The following MTOR variants were observed in gnomAD, a reference collection of about 807,000 sequenced individuals.
MTOR encodes mechanistic target of rapamycin kinase.
A neutral mutation model predicts 319.8 loss-of-function variants in MTOR; 70 were observed. That is an observed-to-expected ratio of 0.22 (90% CI 0.18 to 0.27). The LOEUF is 0.27. Ranked by LOEUF, MTOR falls within the 10% of genes least tolerant of loss-of-function variation. MTOR has a pLI of 1.00. For missense variants in MTOR, 1,890 were observed against 3,274.4 expected, an observed-to-expected ratio of 0.58 and a Z score of 10.32; for synonymous variants, 1,183 against 1,211.4, an observed-to-expected ratio of 0.98 and a Z score of 0.49.
chr1:11,130,260 G>C (rs1277717233), intron 39 of MTOR, among the ~76,000 whole-genome samples: 4 of 152,238 alleles, frequency 2.6e-5, no homozygotes, highest in Admixed American at 2.6e-4. Context: ...CCACACACAG[G>C]TGCAGCACGT....
intron 29 of MTOR, among the ~76,000 whole-genome samples, chr1:11,163,572 T>A (rs1337484030): frequency 6.6e-6 from 1 of 152,212 alleles, no homozygotes; most frequent in African/African-American, 2.4e-5. Flanking sequence ...ACAGAAATTA[T>A]AACAAACTGT....
In MTOR at chr1:11,177,293, C is replaced by T. The variant is rs530870975; in HGVS notation, c.4254-9776G>A. ...GTTTCTTTGGCTAGGCGCGGTGGCTCATGCCTGTAATCCCACCACCTTGGG... is the reference window on the plus strand; with the variant it reads ...GTTTCTTTGGCTAGGCGCGGTGGCTTATGCCTGTAATCCCACCACCTTGGG... On this transcript the variant is annotated intron_variant, in intron 28 of 57. Coordinates refer to ENST00000361445, the MANE Select transcript of MTOR (RefSeq NM_004958.4). Among the ~76,000 whole-genome samples the T allele has an allele frequency of 2.6e-5, 4 of 152,230 alleles. No individual in the cohort carries two copies. In the East Asian group the frequency reaches 7.7e-4, roughly 29 times the overall value.
At chr1:11,240,735 A>C (rs573568523) in intron 10 of MTOR, among the ~76,000 whole-genome samples, 188 bp from the exon 11 acceptor site, 5 of 152,324 alleles carry the variant, frequency 3.3e-5, no homozygotes, top group Admixed American at 2.6e-4. Flanking sequence ...ACAATCTATG[A>C]GTTTCTGGTT....
Position 11,239,516 on chromosome 1 carries a change from C to T in MTOR, c.1786+787G>A, listed in dbSNP as rs181606041. 1.7e-3 allele frequency among the ~76,000 whole-genome samples: 247 copies of T among 149,270 alleles called. 2 individuals carry two copies. Among genetic ancestry groups the T allele is most frequent in the African/African-American group, 6.1e-3 (237 of 38,742 alleles). ...ATACTACCTATATGATCTTAAATTT[C>T]AAAAGTATCAACTTCTCCCCCTGAA... is the stretch of plus-strand genomic sequence containing the variant. On this transcript the variant is annotated intron_variant, in intron 11 of 57. Transcript: ENST00000361445.
intron 28 of MTOR, 88 bp from the exon 29 acceptor site, chr1:11,167,605 G>A (rs1337260838): frequency 1.1e-6 from 1 of 924,712 alleles, no homozygotes; most frequent in Non-Finnish European, 1.8e-6. Context: ...TGGTTCACCA[G>A]CACTTTGAGG....
chr1:11,132,967 T>C (rs1217657377), intron 38 of MTOR, 113 bp downstream of exon 38: 5 of 853,600 alleles, frequency 5.9e-6, no homozygotes, highest in Non-Finnish European at 9.5e-6. Flanking sequence ...ACTCAAGGAG[T>C]AAGTTCACAG....
intron 28 of MTOR, among the ~76,000 whole-genome samples, chr1:11,198,855 T>C (rs1024325545): frequency 2.0e-5 from 3 of 152,198 alleles, no homozygotes; most frequent in South Asian, 2.1e-4. Flanking sequence ...ATAGATTTAG[T>C]TGATAAAACC....
At position 11,121,850 on chromosome 1, in the gene MTOR, C is replaced by A. The variant is rs1642544122; in HGVS notation, c.6810+129G>T. On this transcript the variant is annotated intron_variant, in intron 48 of 57. Transcript: ENST00000361445. The surrounding 1 kb of genome is among the most constrained non-coding windows in gnomAD (Gnocchi z 4.9). ...CTGCTTTAGGACTCACTTTATTAAA[C>A]CTTCTTCAAAGCTGATTCTCTCAAA... 2 of 1,268,058 alleles carry A rather than the reference C, an allele frequency of 1.6e-6. No individual in the cohort carries two copies. The highest frequency in any genetic ancestry group is 2.2e-6 in the Non-Finnish European group (2 of 927,034). 78.6% of individuals were successfully genotyped at this position (1,268,058 alleles called of 1,614,324 possible).
At chr1:11,114,998 A>C (rs1642089036) in intron 51 of MTOR, 111 bp from the exon 52 acceptor site, 1 of 862,674 alleles carries the variant, frequency 1.2e-6, no homozygotes, top group Non-Finnish European at 1.9e-6. Context: ...TAATTATAGC[A>C]GGGAAAGGAA....
At chr1:11,236,025 A>G (rs1307167922) in intron 13 of MTOR, among the ~76,000 whole-genome samples, 1 of 151,426 alleles carries the variant, frequency 6.6e-6, no homozygotes, top group Non-Finnish European at 1.5e-5. Flanking sequence ...TGGCTTGTTG[A>G]CTGCTATATT....
Position 11,106,664 on chromosome 1 carries a change from G to A in MTOR, c.*821C>T, listed in dbSNP as rs1407039703. ...TTGTTCTGCTCATAATTTCCAATAT[G>A]TACCAGACCTTCCCTGTGTTCAGCA... is the stretch of plus-strand genomic sequence containing the variant. On this transcript the variant is annotated 3_prime_UTR_variant, in exon 58 of 58. Transcript: ENST00000361445. 9.6e-6 allele frequency: 11 copies of A among 1,141,560 alleles called. No individual in the cohort carries two copies. The highest frequency in any genetic ancestry group is 3.0e-5 in the South Asian group (1 of 33,596). The allele number at this position is 1,141,560 out of a possible 1,614,324, so 70.7% of individuals were successfully genotyped here.
At position 11,164,078 on chromosome 1, in the gene MTOR, C is replaced by T. The variant is rs191061824; in HGVS notation, c.4329+3364G>A. On this transcript the variant is annotated intron_variant, in intron 29 of 57. Transcript: ENST00000361445. ...AGAAAAGAGAGGCTAGGCGCGGTGG[C>T]TCATGCCTGTAATCCCAGCACTTTG... 1.6e-3 allele frequency among the ~76,000 whole-genome samples: 244 copies of T among 152,194 alleles called. 2 individuals are homozygous for T. Among genetic ancestry groups the T allele is most frequent in the African/African-American group, 4.5e-3 (185 of 41,538 alleles).
intron 28 of MTOR, among the ~76,000 whole-genome samples, chr1:11,185,769 A>G (rs900530822): frequency 6.6e-6 from 1 of 152,164 alleles, no homozygotes; most frequent in African/African-American, 2.4e-5. Context: ...TGAGACAGGA[A>G]TGGGATGGAG....
intron 6 of MTOR, among the ~76,000 whole-genome samples, chr1:11,250,088 G>A: frequency 6.7e-6 from 1 of 148,490 alleles, no homozygotes; most frequent in African/African-American, 2.4e-5. Context: ...CGGCTGGCCG[G>A]GCAGAGGGGC....
rs1206675355 is a variant in MTOR, at chr1:11,114,880, A to T, written c.7097T>A (p.Met2366Lys). 6.2e-7 allele frequency: 1 copy of T among 1,613,970 alleles called. No homozygotes were observed. The highest frequency in any genetic ancestry group is 8.5e-7 in the Non-Finnish European group (1 of 1,179,842). Residue 2366 changes from methionine (M) to lysine (K), a missense_variant, in exon 52 of 58, where the codon ATG becomes AAG. Around this residue, in one of 15 missense-constraint regions of MTOR, gnomAD observed 23 missense variants for 81.7 expected, o/e 0.28. Transcript: ENST00000361445. Reference sequence around the variant, plus strand: ...CTTCTCTGGAAACTTCTCTCGGGTCATAGCAACCTACAGAATAATAAATGG... The same window carrying T: ...CTTCTCTGGAAACTTCTCTCGGGTCTTAGCAACCTACAGAATAATAAATGG... ...IDFGDCFEVA[M>K]TREKFPEKIP...
At chr1:11,167,385 A>G (rs1644680014) in intron 29 of MTOR, 57 bp downstream of exon 29, 4 of 1,413,930 alleles carry the variant, frequency 2.8e-6, no homozygotes, top group African/African-American at 2.8e-5. Context: ...GTCAGGGCCA[A>G]TAACTCCCTA....
intron 34 of MTOR, among the ~76,000 whole-genome samples, chr1:11,139,911 T>C (rs1416731164): frequency 1.3e-5 from 2 of 152,106 alleles, no homozygotes; most frequent in Non-Finnish European, 2.9e-5. Context: ...AGGCTGGTCT[T>C]GAATTCCTGA....
chr1:11,261,247 C>T (rs1007031316), intron 1 of MTOR, among the ~76,000 whole-genome samples: 1 of 150,010 alleles, frequency 6.7e-6, no homozygotes. Context: ...GGGCGGATCA[C>T]GAGGTCAGGA....
chr1:11,216,995 C>T (rs1299918544), intron 19 of MTOR, among the ~76,000 whole-genome samples: 1 of 152,108 alleles, frequency 6.6e-6, no homozygotes, highest in Admixed American at 6.6e-5. Context: ...GTAAATGTAC[C>T]TTTTGTTTAT....
Sources: allele counts gnomAD v4.1 joint callset (sites outside exome capture counted in the v4.1 genomes callset), GRCh38; gene constraint gnomAD v4.1.1; regional missense constraint gnomAD v4.1.1; non-coding constraint Gnocchi (gnomAD v3.1); transcripts MANE v1.5; gene names NCBI Gene and HGNC (gene_info 2026-07-23, HGNC 2026-07-21).